CCDC191: variants seen among roughly 807,000 people sequenced by gnomAD.
CCDC191 encodes the protein coiled-coil domain-containing protein 191.
A neutral mutation model predicts 114.0 loss-of-function variants in CCDC191; 99 were observed. That is an observed-to-expected ratio of 0.87 (90% CI 0.74 to 1.03). CCDC191 has a LOEUF of 1.03. Among genes scored for constraint, CCDC191 ranks in the 50% least tolerant of loss-of-function variants. CCDC191 has a pLI of 0.00. For synonymous variants in CCDC191, 351 were observed against 376.0 expected (o/e 0.93, Z 0.77); for missense variants, 973 against 1,087.0 (o/e 0.90, Z 1.47).
chr3:113,965,209 T>G lies in CCDC191; in HGVS notation c.2757A>C (p.Leu919=), dbSNP rs796891887. The change falls in exon 17 of 17, where the codon CTA becomes CTC. Residue 919 remains leucine (L), a synonymous_variant. Transcript: ENST00000295878. ...AGGACCAAGTATCTGATTGCTGATA[T>G]AGCTCGTGGTACCTTCCAGGTACCT... is the stretch of plus-strand genomic sequence containing the variant. ...DFQVPGRYHE[L]YQQSDTWSLS... The G allele has an allele frequency of 6.2e-7, 1 of 1,611,662 alleles. No homozygotes were observed. The highest frequency in any genetic ancestry group is 1.7e-5 in the Admixed American group (1 of 59,528).
At chr3:114,001,857 C>T (rs1201720032) in intron 12 of CCDC191, 161 bp from the exon 13 acceptor site, 1 of 786,484 alleles carries the variant, frequency 1.3e-6, no homozygotes, top group Non-Finnish European at 2.0e-6. Context: ...AACCTGTCAT[C>T]AGTTACGTAA....
At chr3:114,034,427 T>A (rs538733218) in intron 6 of CCDC191, among the ~76,000 whole-genome samples, 1 of 152,158 alleles carries the variant, frequency 6.6e-6, no homozygotes, top group South Asian at 2.1e-4. Flanking sequence ...TGAAAGCAAT[T>A]TGGCAATGTT....
intron 8 of CCDC191, among the ~76,000 whole-genome samples, chr3:114,017,503 C>T (rs182319074): frequency 1.1e-4 from 17 of 152,222 alleles, no homozygotes; most frequent in Non-Finnish European, 2.2e-4. Context: ...GCACCAGTCT[C>T]CAGGCCTGAT....
intron 16 of CCDC191, among the ~76,000 whole-genome samples, chr3:113,970,692 A>G (rs993887375): frequency 2.6e-5 from 4 of 152,090 alleles, no homozygotes; most frequent in African/African-American, 9.7e-5. Flanking sequence ...AACATTAGGT[A>G]TATCTCCTAA....
intron 16 of CCDC191, among the ~76,000 whole-genome samples, chr3:113,974,122 T>C (rs1941088110): frequency 6.6e-6 from 1 of 152,126 alleles, no homozygotes; most frequent in Non-Finnish European, 1.5e-5. Flanking sequence ...CAAGATTTGT[T>C]TGACTTTTTA....
rs74675483 is a variant in CCDC191, at chr3:113,968,254, C to G, written c.2607-2895G>C. Among the ~76,000 whole-genome samples the G allele has an allele frequency of 6.8e-3, 1,030 of 152,278 alleles. 13 individuals are homozygous for G. Among genetic ancestry groups the G allele is most frequent in the African/African-American group, 0.02 (841 of 41,530 alleles). On this transcript the variant is annotated intron_variant, in intron 16 of 16. Coordinates refer to ENST00000295878, the MANE Select transcript of CCDC191 (RefSeq NM_020817.2). ...GTACTAATTTACACTCCCACCAACA[C>G]TGTGTGAGGGTTTCCCTTTCTCCAT...
chr3:114,035,899 C>T (rs958939523), intron 5 of CCDC191, among the ~76,000 whole-genome samples: 2 of 152,186 alleles, frequency 1.3e-5, no homozygotes, highest in Non-Finnish European at 2.9e-5. Flanking sequence ...ATTTCTCTAA[C>T]ATCCCCAGTG....
At chr3:113,993,093 A>C (rs1449486252) in intron 13 of CCDC191, among the ~76,000 whole-genome samples, 2 of 152,200 alleles carry the variant, frequency 1.3e-5, no homozygotes, top group Non-Finnish European at 2.9e-5. Flanking sequence ...AGCATGTGAC[A>C]AAACTCAACA....
At chr3:113,970,978 T>C (rs1329909569) in intron 16 of CCDC191, among the ~76,000 whole-genome samples, 1 of 152,210 alleles carries the variant, frequency 6.6e-6, no homozygotes, top group Non-Finnish European at 1.5e-5. Flanking sequence ...TGTTGGACAT[T>C]TGGGTTGGTT....
Position 114,034,924 on chromosome 3 carries a change from C to T in CCDC191, c.818+1G>A. 1 of 1,613,530 alleles carries T rather than the reference C, an allele frequency of 6.2e-7. No homozygotes were observed. On this transcript the variant is annotated splice_donor_variant, in intron 6 of 16. Transcript: ENST00000295878. LOFTEE classifies it high-confidence loss of function. The stretch of plus-strand genomic sequence containing the variant: ...CCACAGTGCTTATCACACTGGCTTA[C>T]ATTTTCCATGCTGCTTTCACAGTGC...
At chr3:113,978,628 A>C in intron 15 of CCDC191, 3 of 598,454 alleles carry the variant, frequency 5.0e-6, no homozygotes, top group Non-Finnish European at 8.6e-6. Flanking sequence ...TGATGGAATG[A>C]TAACTTACAG....
intron 13 of CCDC191, chr3:113,984,480 A>AT (rs1217138478): frequency 1.3e-5 from 2 of 152,222 alleles, no homozygotes; most frequent in African/African-American, 2.4e-5. Flanking sequence ...TATAAAGCAT[A>AT]TAAGGAAGTA....
In CCDC191 at chr3:113,981,575, C is replaced by T. The variant is rs1163674087; in HGVS notation, c.2164-782G>A. 2.0e-5 allele frequency among the ~76,000 whole-genome samples: 3 copies of T among 152,182 alleles called. No individual in the cohort carries two copies. The East Asian group carries it at 5.8e-4, about 29-fold the overall frequency. On this transcript the variant is annotated intron_variant, in intron 13 of 16. Coordinates refer to ENST00000295878, the MANE Select transcript of CCDC191 (RefSeq NM_020817.2). ...AGCAACAAAGACTGAAGACTGCTTT[C>T]ATAGTCGTCATCTTTGCAGCATAAA...
rs1399031117 is a variant in CCDC191 at position 114,034,963 on chromosome 3, T to C, written c.780A>G (p.Ile260Met). The C allele has an allele frequency of 1.9e-6, 3 of 1,614,082 alleles. No individual in the cohort carries two copies. The highest frequency in any genetic ancestry group is 1.7e-5 in the Admixed American group (1 of 60,010). The change falls in exon 6 of 17, where the codon ATA (isoleucine) becomes ATG (methionine). Residue 260 changes from isoleucine to methionine, a missense_variant. Ile to Met is a conservative substitution (Grantham distance 10). Transcript: ENST00000295878. ...QREMVKLRRE[I>M]IERRRTVKAA... The stretch of plus-strand genomic sequence containing the variant: ...CTTTCACAGTGCGTCTCCTCTCAAT[T>C]ATCTCCCTCCGCAGCTTCACCATCT...
intron 6 of CCDC191, among the ~76,000 whole-genome samples, chr3:114,033,988 T>G (rs904135677): frequency 6.6e-5 from 10 of 152,250 alleles, no homozygotes; most frequent in African/African-American, 2.4e-4. Flanking sequence ...AGTCATGCTG[T>G]TCCAAGGCTT....
chr3:113,975,899 A>G (rs890874587), intron 16 of CCDC191, among the ~76,000 whole-genome samples: 1 of 152,212 alleles, frequency 6.6e-6, no homozygotes, highest in Non-Finnish European at 1.5e-5. Context: ...TGTTGATTGC[A>G]TGGATTCCTA....
At position 113,978,291 on chromosome 3, in the gene CCDC191, A is replaced by G; in HGVS notation, c.2501T>C (p.Val834Ala). ...DLQEEVRKFC[V>A]HFLQKKIFRA... ...GAAAATCTTCTTTTGAAGAAAATGT[A>G]CACAAAATTTTCTTACTTCTTCCTG... The change falls in exon 16 of 17, where the codon GTA becomes GCA. Residue 834 changes from valine (V) to alanine (A), a missense_variant. Val to Ala is a moderately conservative substitution (Grantham distance 64, BLOSUM62 0). Transcript: ENST00000295878. The G allele has an allele frequency of 6.2e-7, 1 of 1,613,970 alleles. No homozygotes were observed. The highest frequency in any genetic ancestry group is 8.5e-7 in the Non-Finnish European group (1 of 1,179,900).
At chr3:113,978,638 G>T in intron 15 of CCDC191, 1 of 610,964 alleles carries the variant, frequency 1.6e-6, no homozygotes, top group Non-Finnish European at 2.8e-6. Flanking sequence ...ATAACTTACA[G>T]TTTATACACA....
At chr3:114,026,070 C>G (rs1476316821) in intron 7 of CCDC191, among the ~76,000 whole-genome samples, 1 of 151,980 alleles carries the variant, frequency 6.6e-6, no homozygotes, top group Non-Finnish European at 1.5e-5. Flanking sequence ...TCTCTTTTTT[C>G]AATTTTTAAA....
Sources: allele counts gnomAD v4.1 joint callset (sites outside exome capture counted in the v4.1 genomes callset), GRCh38; gene constraint gnomAD v4.1.1; transcripts MANE v1.5; gene names NCBI Gene and HGNC (gene_info 2026-07-23, HGNC 2026-07-21).